Variants in CCDC138 observed in about 807,000 individuals in gnomAD.
CCDC138 encodes coiled-coil domain-containing protein 138.
CCDC138 carries 66 observed loss-of-function variants against 82.3 expected under a neutral mutation model. The ratio of observed to expected loss-of-function variants is 0.80; its 90% CI spans 0.66 to 0.98. The LOEUF (loss-of-function observed/expected upper bound fraction) is 0.98, where lower values mean the gene tolerates loss of function less well. CCDC138 is among the 50% of genes least tolerant of loss of function. CCDC138 has a pLI of 0.00. For missense variants in CCDC138, 816 were observed against 758.9 expected, an observed-to-expected ratio of 1.08 and a Z score of -0.88; for synonymous variants, 297 against 265.4, an observed-to-expected ratio of 1.12 and a Z score of -1.16.
intron 10 of CCDC138, among the ~76,000 whole-genome samples, chr2:108,832,298 A>G (rs960234820): frequency 2.0e-5 from 3 of 149,024 alleles, no homozygotes; most frequent in Non-Finnish European, 4.4e-5. Flanking sequence ...AAGTGCTGAG[A>G]TTACAGGCGT....
chr2:108,793,131 G>A (rs1418756258), intron 4 of CCDC138, among the ~76,000 whole-genome samples: 2 of 150,908 alleles, frequency 1.3e-5, no homozygotes, highest in East Asian at 3.9e-4. Flanking sequence ...GCAGAGGTGG[G>A]CGGATCACGA....
intron 12 of CCDC138, among the ~76,000 whole-genome samples, chr2:108,847,272 A>C (rs1690653428): frequency 6.6e-6 from 1 of 152,202 alleles, no homozygotes; most frequent in Non-Finnish European, 1.5e-5. Context: ...CATGGGCAAA[A>C]TCTGGCCTAC....
intron 7 of CCDC138, among the ~76,000 whole-genome samples, chr2:108,809,699 A>C (rs752422720): frequency 2.2e-4 from 33 of 152,150 alleles, no homozygotes; most frequent in Non-Finnish European, 3.7e-4. Context: ...AACTTTACCA[A>C]ATTTATCAGT....
chr2:108,820,578 C>G (rs1317187730), intron 10 of CCDC138, among the ~76,000 whole-genome samples: 1 of 151,674 alleles, frequency 6.6e-6, no homozygotes, highest in African/African-American at 2.4e-5. Context: ...CAAAGAGAAT[C>G]TTTTAAATTG....
intron 3 of CCDC138, 121 bp downstream of exon 3, chr2:108,789,087 G>GC: frequency 1.2e-6 from 1 of 834,354 alleles, no homozygotes. Context: ...CAAGTATAAG[G>GC]CAGTCTGGAG....
At chr2:108,874,495 T>C (rs779413410) in intron 14 of CCDC138, among the ~76,000 whole-genome samples, 4 of 152,220 alleles carry the variant, frequency 2.6e-5, no homozygotes, top group Non-Finnish European at 4.4e-5. Context: ...TCAACTCATT[T>C]GTATAACAGT....
chr2:108,850,854 C>A (rs1331036442), intron 12 of CCDC138, among the ~76,000 whole-genome samples: 1 of 152,120 alleles, frequency 6.6e-6, no homozygotes, highest in Non-Finnish European at 1.5e-5. Context: ...AAGAAGACTT[C>A]TGTGACAAAA....
chr2:108,809,448 T>TTG (rs56122981), intron 7 of CCDC138, among the ~76,000 whole-genome samples: 5,323 of 141,150 alleles, frequency 0.038, 126 homozygotes, highest in African/African-American at 0.073. Context: ...ACATGAAATG[T>TTG]TGTGTGTGTG....
chr2:108,793,581 G>A (rs1680310374), intron 4 of CCDC138, among the ~76,000 whole-genome samples: 1 of 151,552 alleles, frequency 6.6e-6, no homozygotes, highest in African/African-American at 2.4e-5. Flanking sequence ...ATACCCTCAG[G>A]AAACTTTTTT....
chr2:108,824,665 T>A (rs1233256539), intron 10 of CCDC138, among the ~76,000 whole-genome samples: 1 of 152,180 alleles, frequency 6.6e-6, no homozygotes, highest in Non-Finnish European at 1.5e-5. Context: ...GTAGCAAATA[T>A]GTAACCAGTA....
At chr2:108,791,851 T>C (rs1573910271) in intron 4 of CCDC138, 49 bp downstream of exon 4, 1 of 1,509,928 alleles carries the variant, frequency 6.6e-7, no homozygotes, top group East Asian at 2.3e-5. Flanking sequence ...CTTTGTCAAG[T>C]AGAGTAAATG....
At chr2:108,860,121 G>T (rs1270241703) in intron 13 of CCDC138, among the ~76,000 whole-genome samples, 2 of 151,916 alleles carry the variant, frequency 1.3e-5, no homozygotes, top group African/African-American at 4.8e-5. Flanking sequence ...TTGGTGTATA[G>T]AAATGCTTCT....
chr2:108,809,599 C>G (rs1301554603), intron 7 of CCDC138, among the ~76,000 whole-genome samples: 1 of 151,928 alleles, frequency 6.6e-6, no homozygotes, highest in Non-Finnish European at 1.5e-5. Flanking sequence ...CCATTGTAAA[C>G]AGGATAGATT....
At chr2:108,824,764 GT>G (rs759967779) in intron 10 of CCDC138, among the ~76,000 whole-genome samples, 6 of 149,046 alleles carry the variant, frequency 4.0e-5, no homozygotes, top group Admixed American at 1.3e-4. Context: ...CAGCACAGTA[GT>G]TTTTTTTTTA....
At chr2:108,786,971 C>A in intron 1 of CCDC138, 56 bp downstream of exon 1, 3 of 1,230,308 alleles carry the variant, frequency 2.4e-6, no homozygotes, top group Non-Finnish European at 3.2e-6. Context: ...GGGCGGCCCG[C>A]TCCGTGCCCC....
chr2:108,799,223 C>T (rs941806774), intron 6 of CCDC138, among the ~76,000 whole-genome samples: 5 of 151,992 alleles, frequency 3.3e-5, no homozygotes, highest in Admixed American at 1.3e-4. Context: ...TGCTTCGTAA[C>T]GATAATATGT....
intron 7 of CCDC138, among the ~76,000 whole-genome samples, chr2:108,806,619 A>G (rs972099927): frequency 2.2e-4 from 34 of 152,186 alleles, no homozygotes; most frequent in African/African-American, 8.0e-4. Flanking sequence ...AAACAGCCAT[A>G]GGCAATAAGT....
At chr2:108,836,711 A>T (rs888621508) in intron 10 of CCDC138, among the ~76,000 whole-genome samples, 1 of 152,024 alleles carries the variant, frequency 6.6e-6, no homozygotes, top group Non-Finnish European at 1.5e-5. Context: ...ATTTCATTCT[A>T]TTTATTTGTG....
chr2:108,869,832 A>C (rs578244095), intron 13 of CCDC138, among the ~76,000 whole-genome samples: 1 of 152,178 alleles, frequency 6.6e-6, no homozygotes, highest in Non-Finnish European at 1.5e-5. Flanking sequence ...TCAGTCTTCA[A>C]AGACTGGGAG....
Sources: gnomAD v4.1 joint callset for allele counts (sites outside exome capture counted in the v4.1 genomes callset) on GRCh38, gnomAD v4.1.1 for gene constraint, MANE v1.5 for transcripts, NCBI Gene and HGNC (gene_info 2026-07-23, HGNC 2026-07-21) for gene names.